CEP152: variants seen among roughly 807,000 people sequenced by gnomAD.
CEP152 encodes centrosomal protein of 152 kDa.
A neutral mutation model predicts 188.9 loss-of-function variants in CEP152; 132 were observed. The observed-to-expected ratio is 0.70, with a 90% CI of 0.61 to 0.81. The LOEUF (loss-of-function observed/expected upper bound fraction) is 0.81, where lower values mean the gene tolerates loss of function less well. CEP152 is among the 30% of genes least tolerant of loss of function. The probability of loss-of-function intolerance (pLI) is 0.00; values close to 1 mark genes in which losing one functional copy is unlikely to be tolerated. For synonymous variants in CEP152, 649 were observed against 666.6 expected, an observed-to-expected ratio of 0.97 and a Z score of 0.41; for missense variants, 1,914 against 1,969.8, an observed-to-expected ratio of 0.97 and a Z score of 0.54.
chr15:48,739,180 G>T lies in CEP152; in HGVS notation c.4202C>A (p.Thr1401Asn). 6.2e-7 allele frequency: 1 copy of T among 1,613,908 alleles called. No homozygotes were observed. Among genetic ancestry groups the T allele is most frequent in the Non-Finnish European group, 8.5e-7 (1 of 1,179,950 alleles). Reference protein sequence around the residue: ...CIESKSNSVNTITRTLCEQAP... With the variant: ...CIESKSNSVNNITRTLCEQAP... ...TTGTTCGCACAGAGTTCTGGTGATG[G>T]TGTTTACACTATTTGATTTGCTTTC... The change falls in exon 27 of 27, where the codon ACC (threonine) becomes AAC (asparagine). Residue 1401 changes from threonine (T) to asparagine (N), a missense_variant. By Grantham distance (65) the Thr-to-Asn change is moderately conservative. Transcript: ENST00000380950.
chr15:48,787,704 T>C (rs1896752766), intron 9 of CEP152, among the ~76,000 whole-genome samples: 1 of 151,922 alleles, frequency 6.6e-6, no homozygotes, highest in African/African-American at 2.4e-5. Flanking sequence ...TCAGCATGAA[T>C]TTTAAGTGTG....
At chr15:48,741,444 G>A in intron 26 of CEP152, 157 bp downstream of exon 26, 1 of 1,501,354 alleles carries the variant, frequency 6.7e-7, no homozygotes, top group East Asian at 2.5e-5. Context: ...TGGAAACTGT[G>A]TACTCTTTTT....
chr15:48,741,213 T>A, intron 26 of CEP152: 1 of 1,096,122 alleles, frequency 9.1e-7, no homozygotes, highest in Non-Finnish European at 1.1e-6. Flanking sequence ...TACTGCAACC[T>A]CAAATTCCTG....
chr15:48,732,654 A>ATT (rs58160084), intron 2 of CEP152, among the ~76,000 whole-genome samples: 45,863 of 144,002 alleles, frequency 0.32, 9,740 homozygotes, highest in East Asian at 0.62. Context: ...CTGCACATGT[A>ATT]TTTTTTTTTT....
chr15:48,775,621 G>T (rs1895841467), intron 12 of CEP152, among the ~76,000 whole-genome samples: 1 of 152,074 alleles, frequency 6.6e-6, no homozygotes, highest in African/African-American at 2.4e-5. Context: ...AGAAGAAATG[G>T]TAAAGAAAAT....
intron 1 of CEP152, among the ~76,000 whole-genome samples, chr15:48,806,205 C>G (rs1445392749): frequency 6.6e-6 from 1 of 152,156 alleles, no homozygotes; most frequent in Non-Finnish European, 1.5e-5. Flanking sequence ...ATGTCCTCCT[C>G]TTAAGCTTGA....
chr15:48,745,879 G>T (rs1312106812), intron 22 of CEP152, among the ~76,000 whole-genome samples: 1 of 152,034 alleles, frequency 6.6e-6, no homozygotes, highest in South Asian at 2.1e-4. Context: ...GATTATAATA[G>T]AAATAAAACA....
chr15:48,763,225 C>G (rs368935015), intron 17 of CEP152, among the ~76,000 whole-genome samples: 1 of 152,220 alleles, frequency 6.6e-6, no homozygotes, highest in African/African-American at 2.4e-5. Flanking sequence ...TTTAACAGTA[C>G]AGTGAGGTGG....
In CEP152 at chr15:48,796,037, G is replaced by A; in HGVS notation, c.664C>T (p.Gln222Ter). 6.2e-7 allele frequency: 1 copy of A among 1,613,800 alleles called. No homozygotes were observed. Among genetic ancestry groups the A allele is most frequent in the Non-Finnish European group, 8.5e-7 (1 of 1,179,830 alleles). ...TCATTAGCTCCTAAAAATTGTTGTT[G>A]CAGGCCTTCGAATGTGTCACTTCCT... is the stretch of plus-strand genomic sequence containing the variant. Reference protein sequence around the residue: ...ITGSDTFEGLQQQFLGANENS... With the variant: ...ITGSDTFEGL The change falls in exon 6 of 27, where the codon CAA (glutamine) becomes TAA (stop). Residue 222 changes from glutamine (Q) to a stop codon, truncating the protein, a stop_gained. Coordinates refer to ENST00000380950, the MANE Select transcript of CEP152 (RefSeq NM_001194998.2). LOFTEE classifies it high-confidence loss of function.
intron 22 of CEP152, 53 bp from the exon 23 acceptor site, chr15:48,745,045 CT>C: frequency 1.5e-6 from 2 of 1,305,912 alleles, no homozygotes. Context: ...TTTAAGCCTT[CT>C]TTTCCCTTAA....
At chr15:48,783,771 G>A (rs1201621130) in intron 10 of CEP152, 1 of 170,630 alleles carries the variant, frequency 5.9e-6, no homozygotes, top group East Asian at 1.7e-4. Context: ...ATATATGTGT[G>A]TATGTATATA....
intron 7 of CEP152, 21 bp from the exon 8 acceptor site, chr15:48,791,397 A>C: frequency 2.5e-6 from 4 of 1,604,696 alleles, no homozygotes; most frequent in Non-Finnish European, 3.4e-6. Flanking sequence ...AAAAATGTTT[A>C]TATAAATAAT....
At chr15:48,745,634 C>T (rs1478389104) in intron 22 of CEP152, among the ~76,000 whole-genome samples, 1 of 151,948 alleles carries the variant, frequency 6.6e-6, no homozygotes, top group Non-Finnish European at 1.5e-5. Context: ...TCACAAAGTA[C>T]ATTCTCAAGG....
rs1275092788 is a variant in CEP152 at position 48,768,292 on chromosome 15, T to C, written c.1945A>G (p.Asn649Asp). 7.5e-6 allele frequency: 12 copies of C among 1,610,462 alleles called. No individual in the cohort carries two copies. The highest frequency in any genetic ancestry group is 1.0e-5 in the Non-Finnish European group (12 of 1,176,786). The change falls in exon 15 of 27, where the codon AAT (asparagine) becomes GAT (aspartate). Residue 649 changes from asparagine to aspartate, a missense_variant. Asn to Asp is a conservative substitution (Grantham distance 23, BLOSUM62 1). Coordinates refer to ENST00000380950, the MANE Select transcript of CEP152 (RefSeq NM_001194998.2). Reference sequence around the variant, plus strand: ...CTCATTTGATTACATAAGTCTTGATTTGTATTTCTCAGTTTTCCTTCAGTT... The same window carrying C: ...CTCATTTGATTACATAAGTCTTGATCTGTATTTCTCAGTTTTCCTTCAGTT... ...KETEGKLRNTNQDLCNQMRQM... is the reference protein window; with the variant it reads ...KETEGKLRNTDQDLCNQMRQM...
intron 21 of CEP152, 76 bp from the exon 22 acceptor site, chr15:48,748,686 CAGAA>C (rs1893658208): frequency 2.7e-5 from 32 of 1,187,218 alleles, no homozygotes; most frequent in Middle Eastern, 2.5e-4. Flanking sequence ...AAAAAAAAGA[CAGAA>C]AGAAAAGCAG....
At chr15:48,775,897 G>A (rs1469503453) in intron 12 of CEP152, among the ~76,000 whole-genome samples, 1 of 146,128 alleles carries the variant, frequency 6.8e-6, no homozygotes, top group Non-Finnish European at 1.5e-5. Flanking sequence ...TTTATGGTAT[G>A]TGAAATAATA....
intron 12 of CEP152, among the ~76,000 whole-genome samples, chr15:48,775,559 T>C (rs535733186): frequency 1.3e-5 from 2 of 152,110 alleles, no homozygotes; most frequent in South Asian, 4.1e-4. Flanking sequence ...TAAACAAATA[T>C]AAGGATATTT....
At chr15:48,754,851 C>T (rs766512986) in intron 20 of CEP152, among the ~76,000 whole-genome samples, 1 of 152,078 alleles carries the variant, frequency 6.6e-6, no homozygotes, top group East Asian at 1.9e-4. Context: ...TAGTTATCAT[C>T]GAATATGGAA....
Position 48,769,098 on chromosome 15 carries a change from C to A in CEP152, c.1783-17G>T. On this transcript the variant is annotated splice_polypyrimidine_tract_variant and intron_variant, in intron 13 of 26. Transcript: ENST00000380950. Reference sequence around the variant, plus strand: ...TGTTTTAGTCTGAATATTAAAAGGTCAAAAGTTTTACAAGTTTTAAAAAAT... The same window carrying A: ...TGTTTTAGTCTGAATATTAAAAGGTAAAAAGTTTTACAAGTTTTAAAAAAT... 1 of 1,590,324 alleles carries A rather than the reference C, an allele frequency of 6.3e-7. No homozygotes were observed. Among genetic ancestry groups the A allele is most frequent in the South Asian group, 1.1e-5 (1 of 87,562 alleles).
Sources: allele counts gnomAD v4.1 joint callset (sites outside exome capture counted in the v4.1 genomes callset), GRCh38; gene constraint gnomAD v4.1.1; transcripts MANE v1.5; gene names NCBI Gene and HGNC (gene_info 2026-07-23, HGNC 2026-07-21).